Variants in KALRN observed in about 807,000 individuals in gnomAD.
KALRN encodes kalirin.
A neutral mutation model predicts 353.7 loss-of-function variants in KALRN; 70 were observed. The observed-to-expected ratio is 0.20, with a 90% CI of 0.16 to 0.24. The LOEUF (loss-of-function observed/expected upper bound fraction) is 0.24, where lower values mean the gene tolerates loss of function less well. Among genes scored for constraint, KALRN ranks in the 10% least tolerant of loss-of-function variants. The probability of loss-of-function intolerance (pLI) is 1.00; values close to 1 mark genes in which losing one functional copy is unlikely to be tolerated. For missense variants in KALRN, 2,791 were observed against 3,756.7 expected (o/e 0.74, Z 6.72); for synonymous variants, 1,391 against 1,434.8 (o/e 0.97, Z 0.69).
At chr3:124,625,230 A>C (rs1172600763) in intron 34 of KALRN, among the ~76,000 whole-genome samples, 2 of 152,188 alleles carry the variant, frequency 1.3e-5, no homozygotes, top group Admixed American at 1.3e-4. Context: ...TAACCTGCCC[A>C]GAGTCATAAC....
intron 37 of KALRN, among the ~76,000 whole-genome samples, chr3:124,649,876 C>T (rs908548662): frequency 6.6e-6 from 1 of 150,726 alleles, no homozygotes; most frequent in Non-Finnish European, 1.5e-5. Flanking sequence ...GTAACCCCAA[C>T]ACTTTGGGAG....
intron 23 of KALRN, among the ~76,000 whole-genome samples, chr3:124,459,667 G>A (rs188654827): frequency 1.3e-4 from 20 of 152,282 alleles, no homozygotes; most frequent in Non-Finnish European, 2.9e-5. Flanking sequence ...TTATGCTGGA[G>A]TTACAAAGTA....
chr3:124,630,888 A>G lies in KALRN; in HGVS notation c.5183-1532A>G, dbSNP rs569603410. On this transcript the variant is annotated intron_variant, in intron 34 of 59. Transcript: ENST00000682506. ...CCAATCACTGTGCCTTTAAAACAGT[A>G]CAAGAATTCTCTATACTCTGTCTTG... Among the ~76,000 whole-genome samples the G allele has an allele frequency of 2.0e-5, 3 of 152,352 alleles. No individual in the cohort carries two copies. The South Asian group carries it at 6.2e-4, about 32-fold the overall frequency.
intron 39 of KALRN, among the ~76,000 whole-genome samples, chr3:124,656,601 A>C (rs1316424677): frequency 2.6e-5 from 4 of 151,844 alleles, no homozygotes; most frequent in African/African-American, 9.7e-5. Context: ...ACAGAGCAAG[A>C]CTCCATCTCA....
chr3:124,288,777 G>A (rs2076169704), intron 5 of KALRN, among the ~76,000 whole-genome samples: 1 of 152,160 alleles, frequency 6.6e-6, no homozygotes, highest in Non-Finnish European at 1.5e-5. Context: ...GCTGAGGGAT[G>A]AGTAGCAGCA....
chr3:124,566,776 A>T (rs960612977), intron 34 of KALRN, among the ~76,000 whole-genome samples: 11 of 152,180 alleles, frequency 7.2e-5, no homozygotes, highest in African/African-American at 2.7e-4. Flanking sequence ...CTTATAAGTT[A>T]TGCACAACTA....
At chr3:124,181,382 C>G (rs75828749) in intron 1 of KALRN, among the ~76,000 whole-genome samples, 1 of 151,990 alleles carries the variant, frequency 6.6e-6, no homozygotes, top group Non-Finnish European at 1.5e-5. Context: ...TAGCAAAAAC[C>G]ACACCAAGCA....
At chr3:124,230,268 C>G (rs1180233252) in intron 2 of KALRN, among the ~76,000 whole-genome samples, 1 of 152,216 alleles carries the variant, frequency 6.6e-6, no homozygotes. Flanking sequence ...CCTGACACTT[C>G]TTTCCCTCTG....
Position 124,690,556 on chromosome 3 carries a change from C to CA in KALRN, c.7378-3245dup, listed in dbSNP as rs148693920. Among the ~76,000 whole-genome samples the CA allele has an allele frequency of 4.2e-3, 634 of 152,280 alleles. 3 individuals are homozygous for CA. Among genetic ancestry groups the CA allele is most frequent in the Middle Eastern group, 0.014 (4 of 294 alleles). ...GCAGGTAGGCCTTTGATGTCAATGA[C>CA]AAAGTTTCACAATGCTTTTCCTAAG... is the stretch of plus-strand genomic sequence containing the variant. On this transcript the variant is annotated intron_variant, in intron 51 of 59. Transcript: ENST00000682506.
At chr3:124,588,859 A>G (rs2075478047) in intron 34 of KALRN, among the ~76,000 whole-genome samples, 1 of 152,180 alleles carries the variant, frequency 6.6e-6, no homozygotes, top group Admixed American at 6.5e-5. Flanking sequence ...TTGCTGTATC[A>G]TTGTCCTTGC....
At chr3:124,279,983 G>C (rs761842737) in intron 5 of KALRN, among the ~76,000 whole-genome samples, 1 of 152,202 alleles carries the variant, frequency 6.6e-6, no homozygotes, top group Non-Finnish European at 1.5e-5. Context: ...TGGAGCACAG[G>C]CTCTACAGAG....
At chr3:124,638,187 A>G (rs2081582291) in intron 37 of KALRN, among the ~76,000 whole-genome samples, 1 of 152,192 alleles carries the variant, frequency 6.6e-6, no homozygotes, top group Non-Finnish European at 1.5e-5. Context: ...CCCAGGAGCT[A>G]GAGGAAAATG....
chr3:124,218,698 A>G (rs1229055579), intron 1 of KALRN, among the ~76,000 whole-genome samples: 2 of 152,202 alleles, frequency 1.3e-5, no homozygotes, highest in Non-Finnish European at 2.9e-5. Context: ...CAAGATGTCA[A>G]CTTTTCTGGA....
intron 34 of KALRN, among the ~76,000 whole-genome samples, chr3:124,601,252 G>A (rs2076776886): frequency 6.6e-6 from 1 of 152,204 alleles, no homozygotes; most frequent in Non-Finnish European, 1.5e-5. Flanking sequence ...TGGCTACCTG[G>A]TATATGGAAT....
intron 32 of KALRN, among the ~76,000 whole-genome samples, chr3:124,496,012 T>TATATATACACAC (rs1345047394): frequency 2.3e-5 from 1 of 43,696 alleles, no homozygotes; most frequent in Non-Finnish European, 3.8e-5. Flanking sequence ...TATATATATA[T>TATATATACACAC]ACACACACAT....
chr3:124,707,937 G>T (rs1248168634), intron 57 of KALRN, among the ~76,000 whole-genome samples: 1 of 152,212 alleles, frequency 6.6e-6, no homozygotes, highest in East Asian at 1.9e-4. Flanking sequence ...AAGAAATATA[G>T]CAAGGCTCTG....
At chr3:124,118,083 A>G (rs1265101370) in intron 1 of KALRN, among the ~76,000 whole-genome samples, 1 of 152,090 alleles carries the variant, frequency 6.6e-6, no homozygotes. Flanking sequence ...CATCCAGGAA[A>G]CCTCCCTGAG....
chr3:124,061,413 T>C (rs2149214479), intron 1 of KALRN, among the ~76,000 whole-genome samples: 1 of 152,276 alleles, frequency 6.6e-6, no homozygotes, highest in Admixed American at 6.5e-5. Context: ...GAGCCAAGTT[T>C]TGAAGCCAGG....
intron 3 of KALRN, among the ~76,000 whole-genome samples, chr3:124,239,395 T>A (rs180889092): frequency 1.3e-5 from 2 of 152,336 alleles, no homozygotes; most frequent in African/African-American, 4.8e-5. Context: ...GTTAGCCTGC[T>A]TTGTCACGAC....
Sources: allele counts gnomAD v4.1 joint callset (sites outside exome capture counted in the v4.1 genomes callset), GRCh38; gene constraint gnomAD v4.1.1; transcripts MANE v1.5; gene names NCBI Gene and HGNC (gene_info 2026-07-23, HGNC 2026-07-21).